Variants in SAMSN1 observed in about 807,000 individuals in gnomAD.
SAMSN1 encodes SAM domain-containing protein SAMSN-1.
A neutral mutation model predicts 42.0 loss-of-function variants in SAMSN1; 31 were observed. The observed-to-expected ratio is 0.74, with a 90% CI of 0.55 to 1.00. SAMSN1 has a LOEUF of 1.00. Among genes scored for constraint, SAMSN1 ranks in the 50% least tolerant of loss-of-function variants. The pLI, the probability that SAMSN1 is intolerant of heterozygous loss-of-function variation, is 0.00. For missense variants in SAMSN1, 464 were observed against 439.4 expected (o/e 1.06, Z -0.50); for synonymous variants, 178 against 151.9 (o/e 1.17, Z -1.26).
chr21:14,600,480 G>T (rs1015890838), intron 6 of SAMSN1, among the ~76,000 whole-genome samples: 1 of 152,020 alleles, frequency 6.6e-6, no homozygotes, highest in Non-Finnish European at 1.5e-5. Context: ...GAATTCCTTC[G>T]ATCTTTAGTG....
intron 1 of SAMSN1, among the ~76,000 whole-genome samples, chr21:14,527,760 TAAAA>T (rs71183427): frequency 0.26 from 27,971 of 107,722 alleles, 3,413 homozygotes; most frequent in East Asian, 0.41. Context: ...AAACTAGAAC[TAAAA>T]AAAAAAAAAA....
In SAMSN1 at chr21:14,619,544, A is replaced by G. The variant is rs138968358; in HGVS notation, c.157-3528T>C. The G allele has an allele frequency of 8.3e-3, 1,505 of 181,246 alleles. 13 individuals carry two copies. The highest frequency in any genetic ancestry group is 0.012 in the Non-Finnish European group (871 of 74,274). The allele number at this position is 181,246 out of a possible 1,614,324, so 11.2% of individuals were successfully genotyped here. A position where few individuals can be genotyped will look rare whatever the true frequency, so the allele number is the denominator to read the frequency against. On this transcript the variant is annotated intron_variant, in intron 2 of 15. Coordinates refer to the SAMSN1 transcript ENST00000647101. ...TCTAATGTATTTTTTTTGGAATTGCACAAGTCATTCATTTCTACATTCACA... is the reference window on the plus strand; with the variant it reads ...TCTAATGTATTTTTTTTGGAATTGCGCAAGTCATTCATTTCTACATTCACA...
chr21:14,623,653 T>C (rs886828359), intron 2 of SAMSN1, among the ~76,000 whole-genome samples: 6 of 152,148 alleles, frequency 3.9e-5, no homozygotes, highest in African/African-American at 1.4e-4. Context: ...ACAAGGAGAC[T>C]TAGACTCCCA....
intron 4 of SAMSN1, among the ~76,000 whole-genome samples, chr21:14,511,939 A>G (rs550601816): frequency 2.6e-4 from 39 of 152,324 alleles, no homozygotes; most frequent in Admixed American, 1.1e-3. Flanking sequence ...AATGTCAGTA[A>G]AAGTAAATTG....
chr21:14,500,469 C>T, intron 6 of SAMSN1, 60 bp downstream of exon 6: 1 of 1,412,776 alleles, frequency 7.1e-7, no homozygotes. Context: ...TACTGATCCA[C>T]TCCCTTCGGT....
At chr21:14,541,319 C>T (rs1271255686) in intron 1 of SAMSN1, among the ~76,000 whole-genome samples, 1 of 106,820 alleles carries the variant, frequency 9.4e-6, no homozygotes, top group Non-Finnish European at 1.8e-5. Flanking sequence ...CAAACAAAAT[C>T]CTGTAAAAAA....
chr21:14,606,181 G>T (rs1982567226), intron 5 of SAMSN1, among the ~76,000 whole-genome samples: 1 of 152,084 alleles, frequency 6.6e-6, no homozygotes, highest in African/African-American at 2.4e-5. Flanking sequence ...CAGTATAGAT[G>T]AAGTTAATGT....
chr21:14,567,331 C>A (rs1203417060), intron 2 of SAMSN1, among the ~76,000 whole-genome samples: 1 of 148,586 alleles, frequency 6.7e-6, no homozygotes. Context: ...ATGACCCAGT[C>A]CAGAGCATCA....
At chr21:14,534,514 G>A (rs987545228) in intron 1 of SAMSN1, among the ~76,000 whole-genome samples, 1 of 122,188 alleles carries the variant, frequency 8.2e-6, no homozygotes, top group Non-Finnish European at 1.6e-5. Context: ...AGGAGGGAGA[G>A]ACTTTTTTTC....
chr21:14,527,234 T>A (rs990259280), intron 1 of SAMSN1, among the ~76,000 whole-genome samples: 1 of 152,232 alleles, frequency 6.6e-6, no homozygotes, highest in Non-Finnish European at 1.5e-5. Context: ...TGAATCTCAA[T>A]AAGCTTGTCA....
At chr21:14,530,234 G>A (rs979037698) in intron 1 of SAMSN1, among the ~76,000 whole-genome samples, 53 of 149,404 alleles carry the variant, frequency 3.5e-4, no homozygotes, top group Admixed American at 2.9e-3. Context: ...GGAGAATGGC[G>A]TGAACCTGGG....
intron 1 of SAMSN1, among the ~76,000 whole-genome samples, chr21:14,647,609 T>C (rs1007049566): frequency 8.8e-5 from 12 of 137,058 alleles, no homozygotes; most frequent in Admixed American, 3.1e-4. Flanking sequence ...TGATTCTTCC[T>C]AACCATGAGC....
chr21:14,544,207 T>G (rs1371408823), intron 1 of SAMSN1, among the ~76,000 whole-genome samples: 2 of 152,138 alleles, frequency 1.3e-5, no homozygotes, highest in East Asian at 1.9e-4. Context: ...CGTGCCACCA[T>G]GCCCAGGTAA....
At chr21:14,545,547 TA>T (rs11301344) in intron 1 of SAMSN1, among the ~76,000 whole-genome samples, 42,091 of 148,468 alleles carry the variant, frequency 0.28, 6,165 homozygotes, top group African/African-American at 0.39. Context: ...TTTTTTTTTT[TA>T]AAAGTAGCAC....
In SAMSN1 at chr21:14,485,857, C is replaced by A. The variant is rs1986409536; in HGVS notation, c.*55G>T. ...CTTCCTCTCCTATTTGACGTTTTAG[C>A]TCAAGAAGAGTTAAAATGGAATGCA... On this transcript the variant is annotated 3_prime_UTR_variant, in exon 8 of 8. Transcript: ENST00000400566. 2.2e-6 allele frequency: 3 copies of A among 1,385,062 alleles called. No individual in the cohort carries two copies. Among genetic ancestry groups the A allele is most frequent in the Non-Finnish European group, 3.1e-6 (3 of 975,892 alleles). The allele number at this position is 1,385,062 out of a possible 1,614,324, so 85.8% of individuals were successfully genotyped here. A position where few individuals can be genotyped will look rare whatever the true frequency, so the allele number is the denominator to read the frequency against.
At chr21:14,518,631 T>C (rs1284194823) in intron 2 of SAMSN1, among the ~76,000 whole-genome samples, 1 of 152,230 alleles carries the variant, frequency 6.6e-6, no homozygotes, top group Non-Finnish European at 1.5e-5. Flanking sequence ...TATTTTAATA[T>C]AAAAGTTTAA....
At chr21:14,644,891 C>T (rs1458541294) in intron 1 of SAMSN1, among the ~76,000 whole-genome samples, 1 of 152,112 alleles carries the variant, frequency 6.6e-6, no homozygotes, top group Non-Finnish European at 1.5e-5. Context: ...AGCAGTACTC[C>T]TTGTACCTAG....
intron 6 of SAMSN1, among the ~76,000 whole-genome samples, chr21:14,499,465 G>A (rs1363586390): frequency 1.4e-5 from 2 of 139,644 alleles, no homozygotes; most frequent in Non-Finnish European, 3.1e-5. Flanking sequence ...AGTAATCAGG[G>A]AGAACTTATG....
chr21:14,531,625 T>C (rs930014593), intron 1 of SAMSN1, among the ~76,000 whole-genome samples: 2 of 152,172 alleles, frequency 1.3e-5, no homozygotes, highest in African/African-American at 2.4e-5. Flanking sequence ...TTTCCTGAAA[T>C]ATTTCCTAAC....
Sources: allele counts gnomAD v4.1 joint callset (sites outside exome capture counted in the v4.1 genomes callset), GRCh38; gene constraint gnomAD v4.1.1; transcripts MANE v1.5; gene names NCBI Gene and HGNC (gene_info 2026-07-23, HGNC 2026-07-21).